CCDC80: variants seen among roughly 807,000 people sequenced by gnomAD.
The protein encoded by CCDC80 is coiled-coil domain-containing protein 80.
In CCDC80, 49 loss-of-function variants were observed where a neutral mutation model predicts 78.7. The ratio of observed to expected loss-of-function variants is 0.62; its 90% CI spans 0.50 to 0.79. CCDC80 has a LOEUF of 0.79. Among genes scored for constraint, CCDC80 ranks in the 30% least tolerant of loss-of-function variants. CCDC80 has a pLI of 0.00. For missense variants in CCDC80, 1,205 were observed against 1,198.6 expected, an observed-to-expected ratio of 1.01 and a Z score of -0.08; for synonymous variants, 488 against 447.0, an observed-to-expected ratio of 1.09 and a Z score of -1.16.
intron 5 of CCDC80, among the ~76,000 whole-genome samples, chr3:112,615,372 G>C (rs1038166151): frequency 3.3e-5 from 5 of 152,046 alleles, no homozygotes; most frequent in Non-Finnish European, 5.9e-5. Context: ...TTGGTTTCTG[G>C]AACCCCTTAA....
In CCDC80 at chr3:112,609,709, C is replaced by A. The variant is rs530439081; in HGVS notation, c.2425+269G>T. Among the ~76,000 whole-genome samples the A allele has an allele frequency of 2.1e-4, 31 of 151,066 alleles. 2 individuals carry two copies. The South Asian group carries it at 4.8e-3, about 24-fold the overall frequency. On this transcript the variant is annotated intron_variant, in intron 6 of 7. Coordinates refer to ENST00000206423, the MANE Select transcript of CCDC80 (RefSeq NM_199511.3). ...AAAACTGAAGATAAATGATACAGAT[C>A]ATTAAAAGTAAATCAGAAGATATTT...
Position 112,638,397 on chromosome 3 carries a change from A to G in CCDC80, c.1509T>C (p.Ser503=), listed in dbSNP as rs774414772. 1.9e-6 allele frequency: 3 copies of G among 1,612,660 alleles called. No individual in the cohort carries two copies. Among genetic ancestry groups the G allele is most frequent in the South Asian group, 2.2e-5 (2 of 91,052 alleles). ...PKKKAQDKIL[S]NEYEEKYDLS... is the part of the protein sequence containing the mutation. ...GGTCATACTTCTCCTCATACTCATT[A>G]CTAAGAATTTTGTCCTGGGCCTTCT... is the stretch of plus-strand genomic sequence containing the variant. Residue 503 remains serine (S), a synonymous_variant, in exon 2 of 8, where the codon AGT becomes AGC. Coordinates refer to ENST00000206423, the MANE Select transcript of CCDC80 (RefSeq NM_199511.3).
chr3:112,603,548 A>C lies in CCDC80; in HGVS notation c.*1869T>G, dbSNP rs1274344908. 1.4e-5 allele frequency: 2 copies of C among 146,936 alleles called. No individual in the cohort carries two copies. The highest frequency in any genetic ancestry group is 3.0e-5 in the Non-Finnish European group (2 of 67,064). 9.1% of individuals were successfully genotyped at this position (146,936 alleles called of 1,614,324 possible). A position where few individuals can be genotyped will look rare whatever the true frequency, so the allele number is the denominator to read the frequency against. On this transcript the variant is annotated 3_prime_UTR_variant, in exon 8 of 8. Transcript: ENST00000206423. ...TATATATATATATAATATATATTATATATTTTATATATGTATATAAAATAT... is the reference window on the plus strand; with the variant it reads ...TATATATATATATAATATATATTATCTATTTTATATATGTATATAAAATAT...
intron 3 of CCDC80, among the ~76,000 whole-genome samples, chr3:112,629,722 A>T (rs768606496): frequency 6.6e-6 from 1 of 152,156 alleles, no homozygotes; most frequent in Non-Finnish European, 1.5e-5. Flanking sequence ...GGCAAGTCCC[A>T]TCTGTGATGA....
At chr3:112,635,907 G>C (rs1173184827) in intron 2 of CCDC80, among the ~76,000 whole-genome samples, 1 of 152,202 alleles carries the variant, frequency 6.6e-6, no homozygotes, top group Non-Finnish European at 1.5e-5. Context: ...TAAGGGAGTG[G>C]GGAGAAGGAG....
At chr3:112,620,279 G>A (rs531544800) in intron 3 of CCDC80, among the ~76,000 whole-genome samples, 11 of 152,302 alleles carry the variant, frequency 7.2e-5, no homozygotes, top group African/African-American at 2.6e-4. Context: ...ATCAAAATGA[G>A]AGGGGAAAGA....
chr3:112,610,664 G>A (rs1935604975), intron 5 of CCDC80, among the ~76,000 whole-genome samples: 3 of 152,070 alleles, frequency 2.0e-5, no homozygotes, highest in Admixed American at 1.3e-4. Context: ...TCTTCCAGAG[G>A]CAAATGCAAT....
chr3:112,610,143 G>A, intron 5 of CCDC80, 62 bp from the exon 6 acceptor site: 2 of 1,424,494 alleles, frequency 1.4e-6, no homozygotes, highest in Middle Eastern at 3.5e-4. Flanking sequence ...AACCAATGTA[G>A]GAAACCAGAG....
intron 3 of CCDC80, among the ~76,000 whole-genome samples, chr3:112,625,268 A>C (rs1483604437): frequency 1.3e-5 from 2 of 152,198 alleles, no homozygotes; most frequent in Non-Finnish European, 2.9e-5. Flanking sequence ...CATTAATTGG[A>C]GAGGTCTGGG....
intron 5 of CCDC80, among the ~76,000 whole-genome samples, chr3:112,612,210 C>G (rs1365574839): frequency 6.6e-6 from 1 of 152,088 alleles, no homozygotes. Flanking sequence ...ACAACAGTCT[C>G]AGGTACTTCT....
intron 5 of CCDC80, among the ~76,000 whole-genome samples, chr3:112,613,938 C>A (rs942224635): frequency 4.0e-5 from 6 of 151,578 alleles, no homozygotes; most frequent in Non-Finnish European, 8.8e-5. Flanking sequence ...AGAATTTGGC[C>A]TAATAAAATG....
intron 2 of CCDC80, among the ~76,000 whole-genome samples, chr3:112,633,898 T>C (rs1936153427): frequency 6.6e-6 from 1 of 152,196 alleles, no homozygotes; most frequent in Non-Finnish European, 1.5e-5. Flanking sequence ...CTATTTTCTG[T>C]CACTTGGCCT....
In CCDC80 at chr3:112,639,930, G is replaced by A. The variant is rs371315329; in HGVS notation, c.-11-14C>T. On this transcript the variant is annotated splice_polypyrimidine_tract_variant and intron_variant, in intron 1 of 7. Transcript: ENST00000206423. ...TTGTGTAATCCACTTTGCGATGCAC[G>A]GAGGTCATAAAACAAAGGGGAGGGG... is the stretch of plus-strand genomic sequence containing the variant. 4.4e-6 allele frequency: 7 copies of A among 1,595,338 alleles called. No homozygotes were observed. The highest frequency in any genetic ancestry group is 5.1e-6 in the Non-Finnish European group (6 of 1,168,546).
At chr3:112,611,006 C>G (rs1210926197) in intron 5 of CCDC80, among the ~76,000 whole-genome samples, 1 of 151,198 alleles carries the variant, frequency 6.6e-6, no homozygotes, top group Non-Finnish European at 1.5e-5. Flanking sequence ...CTCCACCTCC[C>G]AGGTTCAAGC....
chr3:112,626,655 C>T (rs1018813384), intron 3 of CCDC80, among the ~76,000 whole-genome samples: 1 of 152,058 alleles, frequency 6.6e-6, no homozygotes, highest in African/African-American at 2.4e-5. Context: ...TCAAGAAATT[C>T]TCCTGCCTCA....
Position 112,601,870 on chromosome 3 carries a change from G to T in CCDC80, c.*3547C>A, listed in dbSNP as rs1935382338. 1.3e-5 allele frequency: 2 copies of T among 152,036 alleles called. No homozygotes were observed. The highest frequency in any genetic ancestry group is 1.3e-4 in the Admixed American group (2 of 15,262). The allele number at this position is 152,036 out of a possible 1,614,324, so 9.4% of individuals were successfully genotyped here. A position where few individuals can be genotyped will look rare whatever the true frequency, so the allele number is the denominator to read the frequency against. ...GTAACCTTTGCCTTGAAAACAAAAA[G>T]AATCCCTGGATATAATCTCCTTCCT... On this transcript the variant is annotated 3_prime_UTR_variant, in exon 8 of 8. Coordinates refer to ENST00000206423, the MANE Select transcript of CCDC80 (RefSeq NM_199511.3).
rs1288670019 is a variant in CCDC80, at chr3:112,601,694, AAAGAG to A, written c.*3718_*3722del. 2 of 29,206 alleles carry A rather than the reference AAAGAG, an allele frequency of 6.8e-5. No homozygotes were observed. The highest frequency in any genetic ancestry group is 1.6e-4 in the African/African-American group (2 of 12,192). 1.8% of individuals were successfully genotyped at this position (29,206 alleles called of 1,614,324 possible). A position where few individuals can be genotyped will look rare whatever the true frequency, so the allele number is the denominator to read the frequency against. On this transcript the variant is annotated 3_prime_UTR_variant, in exon 8 of 8. Transcript: ENST00000206423. ...ACCCTCTCCAAAAAAAGAAAAAAAA[AAAGAG>A]AAAAAAAAGAAGCAGCAGCAACGAA...
At position 112,639,438 on chromosome 3, in the gene CCDC80, G is replaced by A. The variant is rs1306755386; in HGVS notation, c.468C>T (p.Ala156=). 1.2e-6 allele frequency: 2 copies of A among 1,614,168 alleles called. No homozygotes were observed. The highest frequency in any genetic ancestry group is 1.7e-5 in the Admixed American group (1 of 60,022). ...AGKNRVWVIS[A]PHASEGYYRL... The stretch of plus-strand genomic sequence containing the variant: ...GGTAGTAGCCTTCCGAGGCATGAGG[G>A]GCTGAGATGACCCATACTCTGTTCT... Residue 156 remains alanine, a synonymous_variant, in exon 2 of 8, where the codon GCC becomes GCT. Coordinates refer to ENST00000206423, the MANE Select transcript of CCDC80 (RefSeq NM_199511.3).
intron 2 of CCDC80, among the ~76,000 whole-genome samples, chr3:112,632,331 G>GACTT (rs1936115096): frequency 6.6e-6 from 1 of 152,040 alleles, no homozygotes; most frequent in Admixed American, 6.5e-5. Flanking sequence ...AAGAGAAAGG[G>GACTT]ACTTACTGTT....
Sources: allele counts gnomAD v4.1 joint callset (sites outside exome capture counted in the v4.1 genomes callset), GRCh38; gene constraint gnomAD v4.1.1; transcripts MANE v1.5; gene names NCBI Gene and HGNC (gene_info 2026-07-23, HGNC 2026-07-21).